PDZRN4: variants seen among roughly 807,000 people sequenced by gnomAD.
PDZRN4 encodes PDZ domain-containing RING finger protein 4.
Under a neutral mutation model 99.0 loss-of-function variants are expected in PDZRN4, and 70 were observed. The observed-to-expected ratio is 0.71, with a 90% CI of 0.58 to 0.86. The LOEUF is 0.86. Among genes scored for constraint, PDZRN4 ranks in the 40% least tolerant of loss-of-function variants. The pLI is 0.00. For missense variants in PDZRN4, 1,474 were observed against 1,331.2 expected (o/e 1.11, Z -1.67); for synonymous variants, 551 against 501.6 (o/e 1.10, Z -1.32).
At chr12:41,323,143 A>C (rs1276284940) in intron 3 of PDZRN4, among the ~76,000 whole-genome samples, 1 of 152,176 alleles carries the variant, frequency 6.6e-6, no homozygotes, top group Non-Finnish European at 1.5e-5. Context: ...CTTTACGCCC[A>C]GCAGGATAAA....
chr12:41,319,664 A>G (rs1951661524), intron 3 of PDZRN4, among the ~76,000 whole-genome samples: 1 of 152,188 alleles, frequency 6.6e-6, no homozygotes, highest in Non-Finnish European at 1.5e-5. Flanking sequence ...AAAATCAGCC[A>G]GGGTTTAACT....
chr12:41,198,058 G>A (rs1056327456), intron 3 of PDZRN4, among the ~76,000 whole-genome samples: 20 of 151,610 alleles, frequency 1.3e-4, no homozygotes, highest in African/African-American at 1.7e-4. Context: ...GGGACTACAG[G>A]TGCACCCCAC....
chr12:41,344,205 A>G (rs1951837280), intron 3 of PDZRN4, among the ~76,000 whole-genome samples: 1 of 152,104 alleles, frequency 6.6e-6, no homozygotes, highest in South Asian at 2.1e-4. Flanking sequence ...TATATTTTCA[A>G]CTTGACCTCA....
At chr12:41,449,736 T>C (rs1952759772) in intron 3 of PDZRN4, among the ~76,000 whole-genome samples, 1 of 152,182 alleles carries the variant, frequency 6.6e-6, no homozygotes, top group South Asian at 2.1e-4. Flanking sequence ...CTGTGTAAAA[T>C]TAAATGAATC....
chr12:41,460,677 A>G (rs1952863689), intron 3 of PDZRN4, among the ~76,000 whole-genome samples: 1 of 152,212 alleles, frequency 6.6e-6, no homozygotes, highest in Admixed American at 6.5e-5. Flanking sequence ...AAAAGTACTC[A>G]ATGTTCACAA....
At chr12:41,372,454 T>C (rs565532472) in intron 3 of PDZRN4, among the ~76,000 whole-genome samples, 1 of 152,228 alleles carries the variant, frequency 6.6e-6, no homozygotes, top group Non-Finnish European at 1.5e-5. Flanking sequence ...AAGAACACAG[T>C]TCAATGTCAA....
At chr12:41,209,615 C>T (rs992739570) in intron 3 of PDZRN4, among the ~76,000 whole-genome samples, 9 of 149,880 alleles carry the variant, frequency 6.0e-5, no homozygotes, top group African/African-American at 9.8e-5. Flanking sequence ...TTTGTCCTTG[C>T]GATAGTTTGC....
At chr12:41,271,352 G>A (rs1186128685) in intron 3 of PDZRN4, among the ~76,000 whole-genome samples, 1 of 151,950 alleles carries the variant, frequency 6.6e-6, no homozygotes, top group East Asian at 1.9e-4. Flanking sequence ...TATTTTCATG[G>A]CCCTATTAAA....
chr12:41,534,071 C>T (rs1938708827), intron 5 of PDZRN4, among the ~76,000 whole-genome samples: 1 of 152,140 alleles, frequency 6.6e-6, no homozygotes, highest in East Asian at 1.9e-4. Flanking sequence ...GTCAGGAACA[C>T]TTAAATTGTA....
rs554803947 is a variant in PDZRN4, at chr12:41,333,103, A to G, written c.843+138915A>G. 2.6e-5 allele frequency among the ~76,000 whole-genome samples: 4 copies of G among 152,206 alleles called. No individual in the cohort carries two copies. In the East Asian group the frequency reaches 7.8e-4, roughly 29 times the overall value. ...ACCTCAAAGCCTGCACCTGTACACC[A>G]CTGTGCAGCACCTTAAACCTTAATT... On this transcript the variant is annotated intron_variant, in intron 3 of 9. Coordinates refer to ENST00000402685, the MANE Select transcript of PDZRN4 (RefSeq NM_001164595.2).
At chr12:41,354,614 G>A (rs888840242) in intron 3 of PDZRN4, among the ~76,000 whole-genome samples, 9 of 152,062 alleles carry the variant, frequency 5.9e-5, no homozygotes, top group Admixed American at 2.6e-4. Context: ...AGAACTCTTG[G>A]CAGCTGAATT....
intron 3 of PDZRN4, among the ~76,000 whole-genome samples, chr12:41,369,848 AC>A (rs1027535755): frequency 1.3e-5 from 2 of 151,710 alleles, no homozygotes; most frequent in African/African-American, 4.8e-5. Flanking sequence ...CCATTTCACC[AC>A]CCCATCAATT....
rs376042403 is a variant in PDZRN4, at chr12:41,550,727, C to G, written c.1204-1929C>G. Among the ~76,000 whole-genome samples the G allele has an allele frequency of 2.0e-5, 3 of 152,254 alleles. No individual in the cohort carries two copies. In the East Asian group the frequency reaches 5.8e-4, roughly 29 times the overall value. On this transcript the variant is annotated intron_variant, in intron 5 of 9. Coordinates refer to ENST00000402685, the MANE Select transcript of PDZRN4 (RefSeq NM_001164595.2). ...CATGCATTTCACTAATTTGCAGTAC[C>G]TATCTCAGAATAGAGGATTTAAATT...
At chr12:41,445,180 G>A (rs571108722) in intron 3 of PDZRN4, among the ~76,000 whole-genome samples, 11 of 152,104 alleles carry the variant, frequency 7.2e-5, no homozygotes, top group South Asian at 4.2e-4. Context: ...AGGGAGGCAC[G>A]TTACTAAAAT....
At chr12:41,417,013 G>A (rs1181478253) in intron 3 of PDZRN4, among the ~76,000 whole-genome samples, 2 of 152,122 alleles carry the variant, frequency 1.3e-5, no homozygotes, top group East Asian at 1.9e-4. Context: ...CTGTATGATA[G>A]CCTTATTTTA....
chr12:41,189,218 C>T, intron 1 of PDZRN4, 115 bp downstream of exon 1: 1 of 931,806 alleles, frequency 1.1e-6, no homozygotes, highest in Middle Eastern at 3.1e-4. Context: ...CACTATGCAG[C>T]AGGAAACATC....
chr12:41,327,999 A>G (rs1951720954), intron 3 of PDZRN4, among the ~76,000 whole-genome samples: 1 of 152,164 alleles, frequency 6.6e-6, no homozygotes, highest in South Asian at 2.1e-4. Flanking sequence ...TAGCAAAACT[A>G]CACTAATGAA....
At chr12:41,348,777 G>A (rs1423310798) in intron 3 of PDZRN4, among the ~76,000 whole-genome samples, 2 of 151,896 alleles carry the variant, frequency 1.3e-5, no homozygotes, top group Non-Finnish European at 2.9e-5. Flanking sequence ...AAGAATGACA[G>A]ACAAGCCATG....
intron 3 of PDZRN4, chr12:41,409,916 C>CT (rs1952382043): frequency 6.6e-6 from 1 of 152,198 alleles, no homozygotes; most frequent in Non-Finnish European, 1.5e-5. Context: ...AGAATTCTCT[C>CT]TGAGTCTGTG....
Sources: gnomAD v4.1 joint callset for allele counts (sites outside exome capture counted in the v4.1 genomes callset) on GRCh38, gnomAD v4.1.1 for gene constraint, MANE v1.5 for transcripts, NCBI Gene and HGNC (gene_info 2026-07-23, HGNC 2026-07-21) for gene names.